The following MAD2L2 variants were observed in gnomAD, a reference collection of about 807,000 sequenced individuals.
MAD2L2 encodes the protein mitotic arrest deficient 2 like 2, also known as mitotic spindle assembly checkpoint protein MAD2B.
In MAD2L2, 17 loss-of-function variants were observed where a neutral mutation model predicts 30.5. The observed-to-expected ratio is 0.56, with a 90% confidence interval of 0.38 to 0.84. The LOEUF (loss-of-function observed/expected upper bound fraction) is 0.84, where lower values mean the gene tolerates loss of function less well. Ranked by LOEUF, MAD2L2 falls within the 40% of genes least tolerant of loss-of-function variation. MAD2L2 has a pLI of 0.00. For synonymous variants in MAD2L2, 101 were observed against 113.9 expected (o/e 0.89, Z 0.72); for missense variants, 213 against 277.4 (o/e 0.77, Z 1.65).
At chr1:11,685,245 C>T (rs1640939089), upstream of MAD2L2, among the ~76,000 whole-genome samples, 1 of 152,036 alleles carries the variant, frequency 6.6e-6, no homozygotes, top group Admixed American at 6.6e-5. Context: ...TTCAGGTTCT[C>T]AGCAAATGTG....
intron 3 of MAD2L2, among the ~76,000 whole-genome samples, chr1:11,678,465 A>AGGGGTTCTTAATGT (rs1640810761): frequency 6.6e-6 from 1 of 152,222 alleles, no homozygotes; most frequent in Non-Finnish European, 1.5e-5. Context: ...ATATACCATT[A>AGGGGTTCTTAATGT]GGGGTTCTTA....
At chr1:11,683,669 A>G (rs1425265151), upstream of MAD2L2, among the ~76,000 whole-genome samples, 1 of 152,018 alleles carries the variant, frequency 6.6e-6, no homozygotes, top group African/African-American at 2.4e-5. Flanking sequence ...AAATTATTGC[A>G]ATTAAAAAAA....
chr1:11,678,902 G>A (rs1310933595), intron 3 of MAD2L2, among the ~76,000 whole-genome samples: 1 of 152,152 alleles, frequency 6.6e-6, no homozygotes, highest in Non-Finnish European at 1.5e-5. Flanking sequence ...AAGTGCTCAC[G>A]CCTGTAATCC....
chr1:11,677,430 C>T, intron 4 of MAD2L2, 113 bp downstream of exon 4: 2 of 1,035,768 alleles, frequency 1.9e-6, no homozygotes, highest in Non-Finnish European at 3.0e-6. Flanking sequence ...GTATTGGAGC[C>T]ATGAAGACCC....
chr1:11,687,211 G>A lies in MAD2L2; in HGVS notation c.-692+4202C>T, dbSNP rs1640973522. Among the ~76,000 whole-genome samples, 1 of 152,074 alleles carries A rather than the reference G, an allele frequency of 6.6e-6. No individual in the cohort carries two copies. The highest frequency in any genetic ancestry group is 2.1e-4 in the South Asian group (1 of 4,828). On this transcript the variant is annotated intron_variant, in intron 1 of 10. Transcript: ENST00000235310. This position sits in a 1 kb window ranked among gnomAD's most constrained non-coding sequence, Gnocchi z 4.1. ...CTCCCCAATAGCTGGGGCTACAGGT[G>A]TGCACCATCACACCCAGCTAATTTT...
At chr1:11,691,139 C>G (rs1641055423) in intron 1 of MAD2L2, among the ~76,000 whole-genome samples, 1 of 152,222 alleles carries the variant, frequency 6.6e-6, no homozygotes, top group Admixed American at 6.5e-5. Context: ...AAAGGCCCCG[C>G]CGTTCCCCGT....
chr1:11,676,227 G>GT, intron 5 of MAD2L2, 87 bp from the exon 6 acceptor site: 1 of 817,794 alleles, frequency 1.2e-6, no homozygotes, highest in Non-Finnish European at 2.0e-6. Context: ...TGGGGTACAA[G>GT]ACCCCCTCCA....
chr1:11,678,811 G>A (rs747438513), intron 3 of MAD2L2, among the ~76,000 whole-genome samples: 4 of 152,158 alleles, frequency 2.6e-5, no homozygotes, highest in Non-Finnish European at 4.4e-5. Context: ...TCATAGCTTA[G>A]CCAGGCCTAC....
chr1:11,680,268 T>C, intron 3 of MAD2L2, 85 bp downstream of exon 3: 1 of 1,104,118 alleles, frequency 9.1e-7, no homozygotes, highest in South Asian at 1.4e-5. Context: ...AGTGCTAGGA[T>C]TACAGGCGTG....
At chr1:11,691,137 C>T (rs952046137) in intron 1 of MAD2L2, among the ~76,000 whole-genome samples, 2 of 152,220 alleles carry the variant, frequency 1.3e-5, no homozygotes, top group East Asian at 3.9e-4. Context: ...ACAAAGGCCC[C>T]GCCGTTCCCC....
In MAD2L2 at chr1:11,674,720, C is replaced by A; in HGVS notation, c.*55G>T. 6.3e-7 allele frequency: 1 copy of A among 1,584,236 alleles called. No individual in the cohort carries two copies. The highest frequency in any genetic ancestry group is 1.1e-5 in the South Asian group (1 of 90,026). ...GGCAGCCATGCAGCACTGCCCTAGG[C>A]GGGGATCCCCCAAAGTCTGACAGTT... On this transcript the variant is annotated 3_prime_UTR_variant, in exon 9 of 9. Coordinates refer to ENST00000376692, the MANE Select transcript of MAD2L2 (RefSeq NM_006341.4). The surrounding 1 kb of genome is among the most constrained non-coding windows in gnomAD (Gnocchi z 6.1).
chr1:11,680,114 G>A (rs1244161711), intron 3 of MAD2L2, among the ~76,000 whole-genome samples: 1 of 147,198 alleles, frequency 6.8e-6, no homozygotes, highest in Non-Finnish European at 1.5e-5. Context: ...TCCTGCCTCA[G>A]CCTCCTGAGT....
In MAD2L2 at chr1:11,677,609, G is replaced by T; in HGVS notation, c.165C>A (p.Ser55=). ...TATACTGATTCAGCTCCGGGTGGCAGGACATCTGCACACAATACCATGCGG... is the reference window on the plus strand; with the variant it reads ...TATACTGATTCAGCTCCGGGTGGCATGACATCTGCACACAATACCATGCGG... ...RKKYNVPVQM[S]CHPELNQYIQ... The change falls in exon 4 of 9, where the codon TCC becomes TCA. Residue 55 remains serine, a synonymous_variant. Transcript: ENST00000376692. 6.2e-7 allele frequency: 1 copy of T among 1,612,918 alleles called. No homozygotes were observed. The highest frequency in any genetic ancestry group is 8.5e-7 in the Non-Finnish European group (1 of 1,179,898).
chr1:11,680,537 G>A (rs1432951763), intron 2 of MAD2L2, 25 bp downstream of exon 2: 26 of 1,607,682 alleles, frequency 1.6e-5, no homozygotes, highest in Admixed American at 3.4e-5. Context: ...CCCCGCCCCC[G>A]GGCCCGCAGG....
chr1:11,675,309 AC>A, intron 7 of MAD2L2, 135 bp from the exon 8 acceptor site: 1 of 623,912 alleles, frequency 1.6e-6, no homozygotes, highest in Non-Finnish European at 2.8e-6. Context: ...GGTGATGCAG[AC>A]CCCAGGACCG....
At chr1:11,682,909 T>G (rs1035622772), upstream of MAD2L2, among the ~76,000 whole-genome samples, 5 of 152,210 alleles carry the variant, frequency 3.3e-5, no homozygotes, top group Non-Finnish European at 7.3e-5. Flanking sequence ...GCACACATCA[T>G]GCCATTTCCA....
chr1:11,689,402 G>A (rs188399814), intron 1 of MAD2L2, among the ~76,000 whole-genome samples: 9 of 151,602 alleles, frequency 5.9e-5, no homozygotes, highest in East Asian at 3.9e-4. Flanking sequence ...GTTCAAGACC[G>A]GCCTGGCCAA....
At position 11,675,197 on chromosome 1, in the gene MAD2L2, G is replaced by A. The variant is rs1640739634; in HGVS notation, c.502-23C>T. 4 of 1,531,728 alleles carry A rather than the reference G, an allele frequency of 2.6e-6. No homozygotes were observed. The South Asian group carries it at 3.6e-5, about 14-fold the overall frequency. The allele number at this position is 1,531,728 out of a possible 1,614,324, so 94.9% of individuals were successfully genotyped here. Reference sequence around the variant, plus strand: ...ATCCTAGGGAGGAGACAAAGGTCAGGGGGGTGACGGGGCTGGGCCCTGGCC... The same window carrying A: ...ATCCTAGGGAGGAGACAAAGGTCAGAGGGGTGACGGGGCTGGGCCCTGGCC... On this transcript the variant is annotated intron_variant, in intron 7 of 8. Coordinates refer to ENST00000376692, the MANE Select transcript of MAD2L2 (RefSeq NM_006341.4).
intron 7 of MAD2L2, 75 bp from the exon 8 acceptor site, chr1:11,675,249 TCCAGA>T: frequency 9.8e-7 from 1 of 1,023,284 alleles, no homozygotes; most frequent in Non-Finnish European, 1.4e-6. Flanking sequence ...TCCCTCCCAC[TCCAGA>T]CCAGGGGCCT....
Sources: allele counts gnomAD v4.1 joint callset (sites outside exome capture counted in the v4.1 genomes callset), GRCh38; gene constraint gnomAD v4.1.1; non-coding constraint Gnocchi (gnomAD v3.1); transcripts MANE v1.5; gene names NCBI Gene and HGNC (gene_info 2026-07-23, HGNC 2026-07-21).